The following CNGA1 variants were observed in gnomAD, a reference collection of about 807,000 sequenced individuals.
CNGA1 encodes the protein cyclic nucleotide gated channel subunit alpha 1, also known as cyclic nucleotide-gated channel alpha-1.
CNGA1 carries 53 observed loss-of-function variants against 69.7 expected under a neutral mutation model. The observed-to-expected ratio is 0.76, with a 90% confidence interval of 0.61 to 0.96. The LOEUF is 0.96. Ranked by LOEUF, CNGA1 falls within the 40% of genes least tolerant of loss-of-function variation. The pLI, the probability that CNGA1 is intolerant of heterozygous loss-of-function variation, is 0.00. For synonymous variants in CNGA1, 249 were observed against 283.5 expected (o/e 0.88, Z 1.22); for missense variants, 739 against 811.2 (o/e 0.91, Z 1.08).
chr4:48,000,713 G>T (rs1442364535), intron 2 of CNGA1, among the ~76,000 whole-genome samples: 1 of 129,424 alleles, frequency 7.7e-6, no homozygotes, highest in Non-Finnish European at 1.6e-5. Flanking sequence ...GAGGGAGAAA[G>T]TAGGCACATT....
chr4:47,995,552 A>C (rs952730075), intron 2 of CNGA1, among the ~76,000 whole-genome samples: 2 of 58,526 alleles, frequency 3.4e-5, no homozygotes, highest in Non-Finnish European at 9.4e-5. Flanking sequence ...CACTTCTTGT[A>C]TCATTTTTTT....
At chr4:47,988,177 G>A (rs2033896) in intron 2 of CNGA1, among the ~76,000 whole-genome samples, 79,909 of 151,936 alleles carry the variant, frequency 0.53, 23,042 homozygotes, top group Non-Finnish European at 0.64. Flanking sequence ...GTGAAGTCAA[G>A]GATGACTGTA....
At chr4:47,971,593 T>C (rs181442917) in intron 3 of CNGA1, among the ~76,000 whole-genome samples, 24 of 152,182 alleles carry the variant, frequency 1.6e-4, no homozygotes, top group African/African-American at 5.3e-4. Flanking sequence ...ATATTTAAAG[T>C]TCTTTTAAAA....
chr4:47,941,476 A>T (rs1183523781), intron 9 of CNGA1, among the ~76,000 whole-genome samples: 1 of 152,254 alleles, frequency 6.6e-6, no homozygotes, highest in Non-Finnish European at 1.5e-5. Context: ...TCTAAAAGAC[A>T]TTAAATCCTT....
At chr4:48,007,002 G>A (rs1166498808) in intron 2 of CNGA1, among the ~76,000 whole-genome samples, 1 of 151,824 alleles carries the variant, frequency 6.6e-6, no homozygotes, top group Non-Finnish European at 1.5e-5. Context: ...TAGGATTACA[G>A]GTTATTGTAA....
intron 2 of CNGA1, among the ~76,000 whole-genome samples, chr4:47,988,583 G>C (rs907246897): frequency 2.6e-5 from 4 of 151,984 alleles, no homozygotes; most frequent in Non-Finnish European, 4.4e-5. Flanking sequence ...GAGTGCAAAA[G>C]TTCTCATACA....
chr4:47,989,024 G>A, intron 2 of CNGA1, among the ~76,000 whole-genome samples: 1 of 152,088 alleles, frequency 6.6e-6, no homozygotes, highest in East Asian at 1.9e-4. Flanking sequence ...GGGCAAGGGA[G>A]TGTTCATTAG....
intron 3 of CNGA1, among the ~76,000 whole-genome samples, chr4:47,957,347 G>A (rs187933949): frequency 2.6e-5 from 4 of 152,248 alleles, no homozygotes; most frequent in Admixed American, 2.6e-4. Context: ...GAGCATGGTG[G>A]CTCAAACCTG....
intron 10 of CNGA1, 83 bp from the exon 11 acceptor site, chr4:47,937,912 G>T: frequency 9.7e-7 from 1 of 1,030,746 alleles, no homozygotes; most frequent in East Asian, 2.4e-5. Context: ...AATTAACTTT[G>T]TTGAGGTCAA....
At chr4:47,973,259 G>T (rs1053596079) in intron 3 of CNGA1, among the ~76,000 whole-genome samples, 1 of 151,986 alleles carries the variant, frequency 6.6e-6, no homozygotes. Context: ...TAGAGATGGG[G>T]TGTGGGGATG....
intron 3 of CNGA1, among the ~76,000 whole-genome samples, chr4:47,968,797 G>A (rs1167672526): frequency 6.6e-6 from 1 of 152,128 alleles, no homozygotes; most frequent in African/African-American, 2.4e-5. Flanking sequence ...AATGGGGCAG[G>A]AGAAAGGCTT....
chr4:47,940,984 G>T, intron 9 of CNGA1, 115 bp from the exon 10 acceptor site: 1 of 700,818 alleles, frequency 1.4e-6, no homozygotes, highest in Non-Finnish European at 2.5e-6. Flanking sequence ...CTCAGGCTAG[G>T]AGAGGTCCTT....
chr4:48,014,848 T>C (rs1293998580), intron 1 of CNGA1, among the ~76,000 whole-genome samples: 1 of 152,158 alleles, frequency 6.6e-6, no homozygotes, highest in Non-Finnish European at 1.5e-5. Context: ...AAATTTTAAG[T>C]TGGAAATCCA....
At chr4:47,995,996 C>CCAT (rs1742460594) in intron 2 of CNGA1, among the ~76,000 whole-genome samples, 1 of 152,122 alleles carries the variant, frequency 6.6e-6, no homozygotes, top group African/African-American at 2.4e-5. Context: ...GTTACATAAA[C>CCAT]CATCTGTGGG....
intron 1 of CNGA1, among the ~76,000 whole-genome samples, chr4:48,011,422 C>A (rs968587819): frequency 6.6e-6 from 1 of 151,790 alleles, no homozygotes; most frequent in African/African-American, 2.4e-5. Flanking sequence ...TACACACACA[C>A]ACACACACAT....
chr4:47,972,183 G>A (rs1741083188), intron 3 of CNGA1, among the ~76,000 whole-genome samples: 2 of 152,196 alleles, frequency 1.3e-5, no homozygotes, highest in East Asian at 1.9e-4. Flanking sequence ...TATACATACA[G>A]CTGTTTCATT....
intron 3 of CNGA1, among the ~76,000 whole-genome samples, chr4:47,972,632 T>C (rs1476302241): frequency 1.3e-5 from 2 of 152,242 alleles, no homozygotes; most frequent in Admixed American, 1.3e-4. Context: ...CAAACTCTCA[T>C]GTGTTTATTA....
At chr4:47,952,874 C>T in intron 3 of CNGA1, 171 bp from the exon 4 acceptor site, 1 of 383,718 alleles carries the variant, frequency 2.6e-6, no homozygotes, top group Non-Finnish European at 4.5e-6. Context: ...CTCCACATGG[C>T]TAGGGGGAGC....
At chr4:47,992,194 C>A (rs1408113341) in intron 2 of CNGA1, among the ~76,000 whole-genome samples, 2 of 151,842 alleles carry the variant, frequency 1.3e-5, no homozygotes, top group East Asian at 3.9e-4. Context: ...TTTTATAGTT[C>A]TATGAAGAAT....
Sources: allele counts gnomAD v4.1 joint callset (sites outside exome capture counted in the v4.1 genomes callset), GRCh38; gene constraint gnomAD v4.1.1; transcripts MANE v1.5; gene names NCBI Gene and HGNC (gene_info 2026-07-23, HGNC 2026-07-21).